The following GSG1L variants were observed in gnomAD, a reference collection of about 807,000 sequenced individuals.
GSG1L encodes germ cell-specific gene 1-like protein.
Under a neutral mutation model 42.1 loss-of-function variants are expected in GSG1L, and 24 were observed. The observed-to-expected ratio is 0.57, with a 90% CI of 0.41 to 0.80. The LOEUF (loss-of-function observed/expected upper bound fraction) is 0.80, where lower values mean the gene tolerates loss of function less well. Ranked by LOEUF, GSG1L falls within the 30% of genes least tolerant of loss-of-function variation. The probability of loss-of-function intolerance (pLI) is 0.00; values close to 1 mark genes in which losing one functional copy is unlikely to be tolerated. For synonymous variants in GSG1L, 215 were observed against 203.5 expected, an observed-to-expected ratio of 1.06 and a Z score of -0.48; for missense variants, 445 against 472.2, an observed-to-expected ratio of 0.94 and a Z score of 0.53.
chr16:28,054,029 T>TCCCC, intron 1 of GSG1L, among the ~76,000 whole-genome samples: 1 of 152,074 alleles, frequency 6.6e-6, no homozygotes, highest in East Asian at 1.9e-4. Context: ...TCCCTCTGCA[T>TCCCC]CCTTCTCAGA....
intron 1 of GSG1L, among the ~76,000 whole-genome samples, chr16:28,060,256 G>A (rs1014972837): frequency 6.6e-6 from 1 of 152,028 alleles, no homozygotes; most frequent in African/African-American, 2.4e-5. Context: ...AGAACCCAGA[G>A]GAAAGGTTGT....
At position 28,040,997 on chromosome 16, in the gene GSG1L, G is replaced by C. The variant is rs757166713; in HGVS notation, c.349+22079C>G. Reference sequence around the variant, plus strand: ...CTCTCAATCTCACATCAACCCCTAAGATGTTTGGTTTTTATGTCCATTTCA... The same window carrying C: ...CTCTCAATCTCACATCAACCCCTAACATGTTTGGTTTTTATGTCCATTTCA... On this transcript the variant is annotated intron_variant, in intron 1 of 6. Coordinates refer to ENST00000447459, the MANE Select transcript of GSG1L (RefSeq NM_001109763.2). This position sits in a 1 kb window ranked among gnomAD's most constrained non-coding sequence, Gnocchi z 4.1. Among the ~76,000 whole-genome samples the C allele has an allele frequency of 2.0e-5, 3 of 152,226 alleles. No individual in the cohort carries two copies. The highest frequency in any genetic ancestry group is 2.9e-5 in the Non-Finnish European group (2 of 68,046).
At chr16:28,000,138 C>T (rs543520387) in intron 1 of GSG1L, among the ~76,000 whole-genome samples, 14 of 152,186 alleles carry the variant, frequency 9.2e-5, no homozygotes, top group Non-Finnish European at 1.6e-4. Flanking sequence ...AGCCCTTAAC[C>T]ATTACTTGCT....
intron 1 of GSG1L, among the ~76,000 whole-genome samples, chr16:28,058,352 G>A (rs1176203181): frequency 2.0e-5 from 3 of 152,206 alleles, no homozygotes; most frequent in African/African-American, 4.8e-5. Flanking sequence ...TGTCAGGCCA[G>A]CCACAGTGGC....
chr16:27,975,139 A>G (rs2085237046), intron 1 of GSG1L, among the ~76,000 whole-genome samples: 1 of 152,132 alleles, frequency 6.6e-6, no homozygotes. Context: ...CGGCCTGGGA[A>G]CCACACTTTG....
intron 1 of GSG1L, among the ~76,000 whole-genome samples, chr16:27,982,824 A>C (rs1596673800): frequency 6.6e-6 from 1 of 152,274 alleles, no homozygotes; most frequent in East Asian, 1.9e-4. Flanking sequence ...GCATGAACTC[A>C]TTGTCGTGGG....
intron 5 of GSG1L, among the ~76,000 whole-genome samples, chr16:27,818,497 A>G (rs2083119831): frequency 1.3e-5 from 2 of 152,164 alleles, no homozygotes; most frequent in Admixed American, 6.5e-5. Context: ...AAAGGACCCC[A>G]ACACTGGGTG....
At chr16:28,052,240 A>G (rs2086229087) in intron 1 of GSG1L, among the ~76,000 whole-genome samples, 1 of 152,072 alleles carries the variant, frequency 6.6e-6, no homozygotes, top group African/African-American at 2.4e-5. Flanking sequence ...TGTGCCACCA[A>G]TGTTCAACCT....
chr16:27,868,535 A>G (rs2083760724), intron 3 of GSG1L, among the ~76,000 whole-genome samples: 1 of 152,144 alleles, frequency 6.6e-6, no homozygotes, highest in African/African-American at 2.4e-5. Flanking sequence ...AGATCCAGCT[A>G]CCATCTAAAA....
intron 1 of GSG1L, among the ~76,000 whole-genome samples, chr16:27,968,097 G>A (rs1260597822): frequency 1.3e-5 from 2 of 151,886 alleles, no homozygotes; most frequent in Non-Finnish European, 2.9e-5. Flanking sequence ...CCTATTAGGG[G>A]CCCTTCTTAA....
intron 2 of GSG1L, among the ~76,000 whole-genome samples, chr16:27,910,660 A>T (rs2084376890): frequency 6.6e-6 from 1 of 152,204 alleles, no homozygotes; most frequent in Admixed American, 6.5e-5. Context: ...ACACACAGGT[A>T]CAAAAGCCCC....
At chr16:27,889,131 G>A (rs1397914907) in intron 2 of GSG1L, among the ~76,000 whole-genome samples, 2 of 151,438 alleles carry the variant, frequency 1.3e-5, no homozygotes, top group Non-Finnish European at 1.5e-5. Context: ...CTAAAGGTAA[G>A]TGCCACCATG....
rs371862266 is a variant in GSG1L, at chr16:27,884,429, G to A, written c.550+57C>T. On this transcript the variant is annotated intron_variant, in intron 3 of 6. Transcript: ENST00000447459. The surrounding 1 kb of genome is among the most constrained non-coding windows in gnomAD (Gnocchi z 4.4). Reference sequence around the variant, plus strand: ...TTGGTACAACCAGGGCTTACTCCAAGGGCAGCACCCTTTCTCGCCTGTGCT... The same window carrying A: ...TTGGTACAACCAGGGCTTACTCCAAAGGCAGCACCCTTTCTCGCCTGTGCT... 8.5e-6 allele frequency: 13 copies of A among 1,538,342 alleles called. No homozygotes were observed. The highest frequency in any genetic ancestry group is 6.8e-5 in the African/African-American group (5 of 73,634).
intron 2 of GSG1L, among the ~76,000 whole-genome samples, chr16:27,911,290 TC>T (rs1567515671): frequency 5.4e-4 from 76 of 141,938 alleles, no homozygotes; most frequent in African/African-American, 2.1e-3. Context: ...TCTCTCTCTC[TC>T]TCTCCTCTCT....
At chr16:27,931,051 C>CAGCTCTT in intron 2 of GSG1L, among the ~76,000 whole-genome samples, 1 of 152,252 alleles carries the variant, frequency 6.6e-6, no homozygotes, top group Middle Eastern at 3.4e-3. Context: ...CGTGCCTGGC[C>CAGCTCTT]AGCTCTTTTC....
At chr16:28,039,603 G>A (rs1260950034) in intron 1 of GSG1L, among the ~76,000 whole-genome samples, 1 of 150,994 alleles carries the variant, frequency 6.6e-6, no homozygotes, top group Non-Finnish European at 1.5e-5. Flanking sequence ...ACCCACACTT[G>A]CACACACACA....
chr16:27,987,327 A>G (rs2141131172), intron 1 of GSG1L, among the ~76,000 whole-genome samples: 1 of 152,250 alleles, frequency 6.6e-6, no homozygotes, highest in African/African-American at 2.4e-5. Flanking sequence ...CTATGGTCAG[A>G]TGGGTTTAGG....
At chr16:27,904,516 G>A (rs1337168365) in intron 2 of GSG1L, among the ~76,000 whole-genome samples, 1 of 152,004 alleles carries the variant, frequency 6.6e-6, no homozygotes, top group African/African-American at 2.4e-5. Context: ...GCAGCCAAAA[G>A]GATCTTTCTA....
At chr16:27,826,710 A>G (rs906477756) in intron 5 of GSG1L, among the ~76,000 whole-genome samples, 3 of 152,182 alleles carry the variant, frequency 2.0e-5, no homozygotes, top group Admixed American at 2.0e-4. Context: ...TCATCCACCA[A>G]CACCCACCAA....
Sources: gnomAD v4.1 joint callset for allele counts (sites outside exome capture counted in the v4.1 genomes callset) on GRCh38, gnomAD v4.1.1 for gene constraint, Gnocchi (gnomAD v3.1) non-coding constraint, MANE v1.5 for transcripts, NCBI Gene and HGNC (gene_info 2026-07-23, HGNC 2026-07-21) for gene names.